DENND11: variants seen among roughly 807,000 people sequenced by gnomAD.
DENND11 encodes DENN domain-containing protein 11.
DENND11 carries 34 observed loss-of-function variants against 49.2 expected under a neutral mutation model. That is an observed-to-expected ratio of 0.69 (90% CI 0.53 to 0.92). The LOEUF is 0.92. DENND11 is among the 40% of genes least tolerant of loss of function. DENND11 has a pLI of 0.00. For synonymous variants in DENND11, 238 were observed against 230.3 expected, an observed-to-expected ratio of 1.03 and a Z score of -0.30; for missense variants, 475 against 581.6, an observed-to-expected ratio of 0.82 and a Z score of 1.88.
At chr7:141,665,157 G>A (rs368448540) in intron 6 of DENND11, 30 bp downstream of exon 6, 24 of 1,612,344 alleles carry the variant, frequency 1.5e-5, no homozygotes, top group Non-Finnish European at 2.0e-5. Context: ...GGGACCTGAG[G>A]GCAAGATGAG....
In DENND11 at chr7:141,702,090, G is replaced by T; in HGVS notation, c.64C>A (p.Pro22Thr). 1.0e-6 allele frequency: 1 copy of T among 985,242 alleles called. No homozygotes were observed. 61.0% of individuals were successfully genotyped at this position (985,242 alleles called of 1,614,324 possible). The change falls in exon 1 of 9, where the codon CCG (proline) becomes ACG (threonine). Residue 22 changes from proline (P) to threonine (T), a missense_variant. By Grantham distance (38) the Pro-to-Thr change is conservative. Coordinates refer to ENST00000536163, the MANE Select transcript of DENND11 (RefSeq NM_001080392.2). ...RWAEGPAVSLPQAPQPQAGGW... is the reference protein window; with the variant it reads ...RWAEGPAVSLTQAPQPQAGGW... ...CCCGCCTGCGGCTGCGGGGCCTGCG[G>T]CAGGGAGACGGCGGGGCCCTCGGCC... is the stretch of plus-strand genomic sequence containing the variant.
chr7:141,663,193 T>C (rs79344559), intron 8 of DENND11: 34 of 209,278 alleles, frequency 1.6e-4, no homozygotes, highest in African/African-American at 6.9e-4. Flanking sequence ...TGCTTAGTCA[T>C]AGGAGGAAGC....
At chr7:141,669,392 C>T (rs1457981131) in intron 4 of DENND11, among the ~76,000 whole-genome samples, 9 of 152,032 alleles carry the variant, frequency 5.9e-5, no homozygotes, top group Non-Finnish European at 8.8e-5. Context: ...GGATTACAGG[C>T]GCATGCTACC....
intron 2 of DENND11, among the ~76,000 whole-genome samples, chr7:141,686,255 G>A (rs1161104445): frequency 1.3e-5 from 2 of 152,108 alleles, no homozygotes; most frequent in Non-Finnish European, 2.9e-5. Flanking sequence ...TAACTCACAC[G>A]GGGCTGAAAC....
intron 7 of DENND11, 84 bp from the exon 8 acceptor site, chr7:141,664,324 G>T (rs558958654): frequency 3.0e-6 from 3 of 995,740 alleles, no homozygotes; most frequent in Non-Finnish European, 4.6e-6. Flanking sequence ...ATCTTCAATG[G>T]GCCACCACCT....
chr7:141,680,426 T>C (rs1798131452), intron 3 of DENND11, among the ~76,000 whole-genome samples: 1 of 152,104 alleles, frequency 6.6e-6, no homozygotes, highest in Non-Finnish European at 1.5e-5. Context: ...ATTATTTGGA[T>C]GGATATGGGA....
chr7:141,687,631 A>ACTTTTTTTTTTTTTTTTTTTTTT, intron 1 of DENND11, among the ~76,000 whole-genome samples: 1 of 112,794 alleles, frequency 8.9e-6, no homozygotes, highest in African/African-American at 3.3e-5. Flanking sequence ...CACTCGGCTA[A>ACTTTTTTTTTTTTTTTTTTTTTT]TTTTTTTTTT....
chr7:141,672,054 G>C (rs562310007), intron 4 of DENND11, among the ~76,000 whole-genome samples: 3 of 152,234 alleles, frequency 2.0e-5, no homozygotes, highest in Non-Finnish European at 2.9e-5. Context: ...CCAGCCTCCA[G>C]CTTTCCTTAG....
intron 4 of DENND11, among the ~76,000 whole-genome samples, chr7:141,673,054 C>T (rs1798006401): frequency 6.6e-6 from 1 of 152,176 alleles, no homozygotes; most frequent in Non-Finnish European, 1.5e-5. Context: ...GCTCATGTCT[C>T]ATGAACTTGT....
At position 141,657,506 on chromosome 7, in the gene DENND11, G is replaced by C. The variant is rs1251237945; in HGVS notation, c.*5150C>G. 6.6e-6 allele frequency: 1 copy of C among 152,364 alleles called. No individual in the cohort carries two copies. Among genetic ancestry groups the C allele is most frequent in the African/African-American group, 2.4e-5 (1 of 41,428 alleles). The allele number at this position is 152,364 out of a possible 1,614,324, so 9.4% of individuals were successfully genotyped here. On this transcript the variant is annotated 3_prime_UTR_variant, in exon 9 of 9. Coordinates refer to ENST00000536163, the MANE Select transcript of DENND11 (RefSeq NM_001080392.2). The stretch of plus-strand genomic sequence containing the variant: ...CAACTCAAAGACCTCTGTGTCGACT[G>C]TTCACTTTGTGGATCATCTCTGGCT...
intron 4 of DENND11, among the ~76,000 whole-genome samples, chr7:141,670,853 G>A (rs1453013320): frequency 6.6e-6 from 1 of 152,184 alleles, no homozygotes; most frequent in African/African-American, 2.4e-5. Flanking sequence ...CTGTATATGG[G>A]AGGAACTGCA....
In DENND11 at chr7:141,674,230, A is replaced by AACACACACACACACACACACACACAC. The variant is rs35125206; in HGVS notation, c.528-36_528-11dup. The AACACACACACACACACACACACACAC allele has an allele frequency of 4.0e-4, 593 of 1,494,478 alleles. 2 individuals carry two copies. The African/African-American group carries it at 7.6e-3, about 19-fold the overall frequency. The allele number at this position is 1,494,478 out of a possible 1,614,324, so 92.6% of individuals were successfully genotyped here. A position where few individuals can be genotyped will look rare whatever the true frequency, so the allele number is the denominator to read the frequency against. ...CATCTCCAACTGGTGCCTGCAGAAAAACACACACACACACACACACACACA... is the reference window on the plus strand; with the variant it reads ...CATCTCCAACTGGTGCCTGCAGAAAAACACACACACACACACACACACACACACACACACACACACACACACACACA... On this transcript the variant is annotated splice_polypyrimidine_tract_variant and intron_variant, in intron 3 of 8. Transcript: ENST00000536163.
At chr7:141,666,749 A>T (rs1450799822) in intron 4 of DENND11, among the ~76,000 whole-genome samples, 1 of 152,152 alleles carries the variant, frequency 6.6e-6, no homozygotes, top group East Asian at 1.9e-4. Flanking sequence ...CAATAAGAAA[A>T]CTCAACTCGA....
intron 3 of DENND11, among the ~76,000 whole-genome samples, chr7:141,678,243 G>A (rs1018870852): frequency 3.9e-5 from 6 of 152,106 alleles, no homozygotes; most frequent in African/African-American, 9.7e-5. Flanking sequence ...GATTACAGGC[G>A]TGAGCCACTG....
At chr7:141,689,836 T>C (rs1798297737) in intron 1 of DENND11, among the ~76,000 whole-genome samples, 1 of 152,266 alleles carries the variant, frequency 6.6e-6, no homozygotes, top group African/African-American at 2.4e-5. Flanking sequence ...TCATCCATGC[T>C]GATATGTGTA....
rs115302496 is a variant in DENND11 at position 141,675,222 on chromosome 7, C to A, written c.528-1002G>T. Among the ~76,000 whole-genome samples the A allele has an allele frequency of 2.0e-3, 302 of 152,242 alleles. 1 individual carries two copies. Among genetic ancestry groups the A allele is most frequent in the African/African-American group, 6.8e-3 (282 of 41,546 alleles). On this transcript the variant is annotated intron_variant, in intron 3 of 8. Coordinates refer to ENST00000536163, the MANE Select transcript of DENND11 (RefSeq NM_001080392.2). The stretch of plus-strand genomic sequence containing the variant: ...GAGACTGGGATGATGCATCTACAAG[C>A]CAAGGAACCCCAAAGATTGCCAGCA...
chr7:141,697,748 T>TA lies in DENND11; in HGVS notation c.268+4137dup, dbSNP rs968230241. On this transcript the variant is annotated intron_variant, in intron 1 of 8. Transcript: ENST00000536163. ...CTGGGCCTCCATCATCTCCATTGTT[T>TA]AAAAAAAAAATGCTTATGTTTCATA... Among the ~76,000 whole-genome samples the TA allele has an allele frequency of 5.5e-3, 829 of 149,628 alleles. 6 individuals carry two copies. Among genetic ancestry groups the TA allele is most frequent in the African/African-American group, 0.016 (672 of 40,870 alleles).
Position 141,658,695 on chromosome 7 carries a change from T to C in DENND11, c.*3961A>G, listed in dbSNP as rs1473331593. On this transcript the variant is annotated 3_prime_UTR_variant, in exon 9 of 9. Coordinates refer to ENST00000536163, the MANE Select transcript of DENND11 (RefSeq NM_001080392.2). ...CCTTTACCTCTGCAAGGTTGACCTA[T>C]ACAGGGTCTGGAGAAAGCATCTCAA... is the stretch of plus-strand genomic sequence containing the variant. 3.3e-5 allele frequency: 5 copies of C among 152,236 alleles called. No homozygotes were observed. The highest frequency in any genetic ancestry group is 2.1e-4 in the South Asian group (1 of 4,816). The allele number at this position is 152,236 out of a possible 1,614,324, so 9.4% of individuals were successfully genotyped here.
chr7:141,694,629 C>CA (rs1158288780), intron 1 of DENND11, among the ~76,000 whole-genome samples: 21 of 151,462 alleles, frequency 1.4e-4, no homozygotes, highest in African/African-American at 3.9e-4. Context: ...AATAGTTCAG[C>CA]AAAAAAAAGA....
Sources: gnomAD v4.1 joint callset for allele counts (sites outside exome capture counted in the v4.1 genomes callset) on GRCh38, gnomAD v4.1.1 for gene constraint, MANE v1.5 for transcripts, NCBI Gene and HGNC (gene_info 2026-07-23, HGNC 2026-07-21) for gene names.